SPDYE21: variants seen among roughly 807,000 people sequenced by gnomAD.
SPDYE21 encodes the protein speedy/RINGO cell cycle regulator family member E21.
SPDYE21 carries 14 observed loss-of-function variants against 36.2 expected under a neutral mutation model. The observed-to-expected ratio is 0.39, with a 90% CI of 0.26 to 0.61. The LOEUF is 0.61. SPDYE21 is among the 20% of genes least tolerant of loss of function. The pLI, the probability that SPDYE21 is intolerant of heterozygous loss-of-function variation, is 0.55. For missense variants in SPDYE21, 233 were observed against 424.6 expected, an observed-to-expected ratio of 0.55 and a Z score of 3.97; for synonymous variants, 58 against 155.1, an observed-to-expected ratio of 0.37 and a Z score of 4.65.
intron 4 of SPDYE21, among the ~76,000 whole-genome samples, chr7:67,281,832 C>T (rs1486900232): frequency 6.6e-6 from 1 of 152,118 alleles, no homozygotes; most frequent in Non-Finnish European, 1.5e-5. Context: ...TCGGGCCAGG[C>T]GCAGTGGCTC....
intron 3 of SPDYE21, among the ~76,000 whole-genome samples, chr7:67,281,107 A>C (rs1433442299): frequency 4.7e-4 from 66 of 141,722 alleles, no homozygotes; most frequent in African/African-American, 1.6e-3. Flanking sequence ...AACAAAAAAA[A>C]AAAAAAAAAA....
chr7:67,286,887 C>T (rs1187727178), intron 8 of SPDYE21, among the ~76,000 whole-genome samples: 9 of 152,102 alleles, frequency 5.9e-5, no homozygotes, highest in Admixed American at 1.3e-4. Flanking sequence ...TGGGGCTGCA[C>T]GGAGCCCTGA....
chr7:67,282,276 G>A (rs949567968), intron 4 of SPDYE21, among the ~76,000 whole-genome samples: 5 of 152,112 alleles, frequency 3.3e-5, no homozygotes, highest in African/African-American at 9.7e-5. Flanking sequence ...CATCCATAGT[G>A]GGGGATCCCA....
At chr7:67,283,724 G>A (rs574835081) in intron 5 of SPDYE21, among the ~76,000 whole-genome samples, 189 bp from the exon 6 acceptor site, 1 of 151,466 alleles carries the variant, frequency 6.6e-6, no homozygotes, top group East Asian at 2.0e-4. Flanking sequence ...CCTTCCTCTG[G>A]CTTCTCGGAT....
At chr7:67,281,099 CAA>C (rs3972832) in intron 3 of SPDYE21, among the ~76,000 whole-genome samples, 25 of 43,760 alleles carry the variant, frequency 5.7e-4, no homozygotes, top group South Asian at 1.1e-3. Flanking sequence ...ACAACAACAA[CAA>C]AAAAAAAAAA....
At chr7:67,283,582 C>T (rs1443955378) in intron 5 of SPDYE21, among the ~76,000 whole-genome samples, 2 of 151,990 alleles carry the variant, frequency 1.3e-5, no homozygotes, top group African/African-American at 4.8e-5. Context: ...ATCTCCTGGC[C>T]CCTCTACTCT....
intron 8 of SPDYE21, among the ~76,000 whole-genome samples, chr7:67,287,089 T>C (rs1802750389): frequency 6.6e-6 from 1 of 152,010 alleles, no homozygotes; most frequent in African/African-American, 2.4e-5. Flanking sequence ...GACTTCATCA[T>C]GAGGAGGTAG....
rs566081652 is a variant in SPDYE21, at chr7:67,280,151, C to T, written c.379+115C>T. 1.0e-3 allele frequency: 1,494 copies of T among 1,489,094 alleles called. 3 individuals are homozygous for T. In the African/African-American group the frequency reaches 0.016, roughly 16 times the overall value. 92.2% of individuals were successfully genotyped at this position (1,489,094 alleles called of 1,614,324 possible). ...ACGCCCCCAGTGGGTGAGCTCTCCACGCAGGAGGACTCAGAAGTGATCACT... is the reference window on the plus strand; with the variant it reads ...ACGCCCCCAGTGGGTGAGCTCTCCATGCAGGAGGACTCAGAAGTGATCACT... On this transcript the variant is annotated intron_variant, in intron 3 of 8. Coordinates refer to ENST00000424157, the MANE Select transcript of SPDYE21 (RefSeq NM_001382715.2).
chr7:67,280,802 G>T (rs1802619670), intron 3 of SPDYE21, among the ~76,000 whole-genome samples: 1 of 144,900 alleles, frequency 6.9e-6, no homozygotes, highest in Non-Finnish European at 1.5e-5. Flanking sequence ...AGGTACTGAG[G>T]CAGGGTGCAG....
In SPDYE21 at chr7:67,278,296, G is replaced by T. The variant is rs1802573356; in HGVS notation, c.-418G>T. Among the ~76,000 whole-genome samples the T allele has an allele frequency of 7.2e-6, 1 of 138,234 alleles. No individual in the cohort carries two copies. The highest frequency in any genetic ancestry group is 2.8e-5 in the African/African-American group (1 of 35,740). 90.7% of individuals were successfully genotyped at this position (138,234 alleles called of 152,430 possible). On this transcript the variant is annotated 5_prime_UTR_variant, in exon 2 of 9. Coordinates refer to ENST00000424157, the MANE Select transcript of SPDYE21 (RefSeq NM_001382715.2). ...CTCTGTTCCCTCTCCCACCAGCCTG[G>T]ACTCTGAAATGGGCATGTACAGAGA...
chr7:67,285,381 AGTTT>A (rs370179177), intron 6 of SPDYE21, among the ~76,000 whole-genome samples: 21,874 of 145,366 alleles, frequency 0.15, 1,441 homozygotes, highest in Middle Eastern at 0.2. Flanking sequence ...ACACCTGGAC[AGTTT>A]GTTTGTTTGT....
chr7:67,287,195 A>G (rs978966813), intron 8 of SPDYE21, among the ~76,000 whole-genome samples: 16 of 152,216 alleles, frequency 1.1e-4, no homozygotes, highest in Non-Finnish European at 1.8e-4. Flanking sequence ...AGTGACACAA[A>G]AGGCCCCAGC....
rs1802777566 is a variant in SPDYE21 at position 67,288,275 on chromosome 7, C to T, written c.*803C>T. On this transcript the variant is annotated 3_prime_UTR_variant, in exon 9 of 9. Coordinates refer to ENST00000424157, the MANE Select transcript of SPDYE21 (RefSeq NM_001382715.2). ...TTTATAGCTATTGGTAGTTCCCCACCAGAAAAAAACATAATTCTGGTGATA... is the reference window on the plus strand; with the variant it reads ...TTTATAGCTATTGGTAGTTCCCCACTAGAAAAAAACATAATTCTGGTGATA... 6.7e-6 allele frequency among the ~76,000 whole-genome samples: 1 copy of T among 148,384 alleles called. No homozygotes were observed. Among genetic ancestry groups the T allele is most frequent in the Non-Finnish European group, 1.5e-5 (1 of 66,736 alleles).
At chr7:67,283,434 A>G (rs1802676170) in intron 5 of SPDYE21, among the ~76,000 whole-genome samples, 1 of 152,058 alleles carries the variant, frequency 6.6e-6, no homozygotes, top group South Asian at 2.1e-4. Flanking sequence ...ACTCCCGGCT[A>G]TTCTTGGTCT....
In SPDYE21 at chr7:67,282,552, G is replaced by C. The variant is rs1334924148; in HGVS notation, c.611-83G>C. 8.8e-6 allele frequency: 14 copies of C among 1,591,348 alleles called. No individual in the cohort carries two copies. In the South Asian group the frequency reaches 1.3e-4, roughly 15 times the overall value. ...GGCCACAATCCTGAGACTTCCCCCC[G>C]GGAGGCACACTTCTCGCTGCCCTGC... is the stretch of plus-strand genomic sequence containing the variant. On this transcript the variant is annotated intron_variant, in intron 4 of 8. Transcript: ENST00000424157.
At position 67,286,175 on chromosome 7, in the gene SPDYE21, A is replaced by T; in HGVS notation, c.887A>T (p.Asn296Ile). The change falls in exon 7 of 9, where the codon AAC becomes ATC. Residue 296 changes from asparagine (N) to isoleucine (I), a missense_variant. Around this residue, in one of 4 missense-constraint regions of SPDYE21, gnomAD observed 139 missense variants for 175.8 expected, o/e 0.79. Coordinates refer to ENST00000424157, the MANE Select transcript of SPDYE21 (RefSeq NM_001382715.2). ...TGGTTCCAGTTAGGCCGTTCCATGA[A>T]CCCGAGGGCCAGGAAGAACCGCTCT... The part of the protein sequence containing the change: ...KRWFQLGRSM[N>I]PRARKNRSRI... 2 of 1,610,928 alleles carry T rather than the reference A, an allele frequency of 1.2e-6. No individual in the cohort carries two copies. Among genetic ancestry groups the T allele is most frequent in the Admixed American group, 3.3e-5 (2 of 59,806 alleles).
rs1251970073 is a variant in SPDYE21, at chr7:67,288,205, C to T, written c.*733C>T. ...TGTATTATTATATGTGCTCCTGAAG[C>T]GAGCACTCTTTTTATCTATGATACT... On this transcript the variant is annotated 3_prime_UTR_variant, in exon 9 of 9. Coordinates refer to ENST00000424157, the MANE Select transcript of SPDYE21 (RefSeq NM_001382715.2). 7.3e-5 allele frequency among the ~76,000 whole-genome samples: 11 copies of T among 150,268 alleles called. No homozygotes were observed. The highest frequency in any genetic ancestry group is 2.7e-4 in the African/African-American group (11 of 41,178).
intron 6 of SPDYE21, among the ~76,000 whole-genome samples, chr7:67,285,258 C>T (rs1802708586): frequency 1.3e-5 from 2 of 152,190 alleles, no homozygotes; most frequent in Non-Finnish European, 1.5e-5. Flanking sequence ...CCCTGTCCCC[C>T]AAGCTAGAGT....
At chr7:67,281,099 C>CAAAAAAAAAAAA (rs3972832) in intron 3 of SPDYE21, among the ~76,000 whole-genome samples, 1 of 43,764 alleles carries the variant, frequency 2.3e-5, no homozygotes, top group Non-Finnish European at 4.0e-5. Context: ...ACAACAACAA[C>CAAAAAAAAAAAA]AAAAAAAAAA....
Sources: allele counts gnomAD v4.1 joint callset (sites outside exome capture counted in the v4.1 genomes callset), GRCh38; gene constraint gnomAD v4.1.1; regional missense constraint gnomAD v4.1.1; transcripts MANE v1.5; gene names NCBI Gene and HGNC (gene_info 2026-07-23, HGNC 2026-07-21).